LAMA4: variants seen among roughly 807,000 people sequenced by gnomAD.
LAMA4 encodes laminin subunit alpha-4.
LAMA4 carries 127 observed loss-of-function variants against 207.1 expected under a neutral mutation model. The observed-to-expected ratio is 0.61, with a 90% confidence interval of 0.53 to 0.71. The LOEUF (loss-of-function observed/expected upper bound fraction) is 0.71. Among genes scored for constraint, LAMA4 ranks in the 30% least tolerant of loss-of-function variants. The pLI is 0.00. For synonymous variants in LAMA4, 761 were observed against 816.0 expected, an observed-to-expected ratio of 0.93 and a Z score of 1.15; for missense variants, 2,093 against 2,246.5, an observed-to-expected ratio of 0.93 and a Z score of 1.38.
At chr6:112,176,496 G>A (rs141146986) in intron 10 of LAMA4, among the ~76,000 whole-genome samples, 4 of 152,288 alleles carry the variant, frequency 2.6e-5, no homozygotes, top group Non-Finnish European at 2.9e-5. Flanking sequence ...CTTGAAGGTC[G>A]CCAGCGGTTA....
At chr6:112,200,065 A>AG (rs1343562285) in intron 5 of LAMA4, 4 of 528,002 alleles carry the variant, frequency 7.6e-6, no homozygotes, top group African/African-American at 1.9e-5. Context: ...AGACTCTTTG[A>AG]GCAAAAGCCA....
At chr6:112,199,255 T>C (rs1783595188) in intron 5 of LAMA4, among the ~76,000 whole-genome samples, 1 of 152,216 alleles carries the variant, frequency 6.6e-6, no homozygotes, top group Non-Finnish European at 1.5e-5. Context: ...TTTACAGGAC[T>C]GTGCCCTTAG....
chr6:112,154,357 C>CAAAAAAAAAAAAAAAA (rs55988988), intron 16 of LAMA4, among the ~76,000 whole-genome samples: 1 of 120,254 alleles, frequency 8.3e-6, no homozygotes, highest in Non-Finnish European at 1.8e-5. Flanking sequence ...ACACAAACTA[C>CAAAAAAAAAAAAAAAA]AAAAAAAAAA....
At chr6:112,168,122 C>T (rs1369284327) in intron 12 of LAMA4, among the ~76,000 whole-genome samples, 4 of 149,844 alleles carry the variant, frequency 2.7e-5, no homozygotes, top group East Asian at 2.1e-4. Context: ...GGCACGAACC[C>T]GGGAGGCAGA....
At chr6:112,221,041 T>C (rs12110617) in intron 2 of LAMA4, among the ~76,000 whole-genome samples, 7,048 of 152,170 alleles carry the variant, frequency 0.046, 215 homozygotes, top group East Asian at 0.15. Flanking sequence ...CATACTCGAA[T>C]AGATCTTCTA....
chr6:112,166,809 G>T (rs568726212), intron 12 of LAMA4, among the ~76,000 whole-genome samples: 1 of 152,146 alleles, frequency 6.6e-6, no homozygotes, highest in African/African-American at 2.4e-5. Context: ...TGATAATTAT[G>T]AAAATGACAC....
intron 9 of LAMA4, among the ~76,000 whole-genome samples, chr6:112,181,616 C>A (rs1401728045): frequency 2.0e-5 from 3 of 152,180 alleles, no homozygotes; most frequent in Admixed American, 6.5e-5. Context: ...CTCTGAGAAG[C>A]CTTTCCTAGT....
intron 5 of LAMA4, among the ~76,000 whole-genome samples, chr6:112,198,251 A>T (rs960411042): frequency 1.8e-4 from 28 of 152,136 alleles, no homozygotes; most frequent in African/African-American, 6.8e-4. Flanking sequence ...TTTCCTGGAG[A>T]CAGTTGGACA....
intron 31 of LAMA4, among the ~76,000 whole-genome samples, chr6:112,125,127 G>A (rs1778613339): frequency 6.6e-6 from 1 of 152,214 alleles, no homozygotes; most frequent in African/African-American, 2.4e-5. Flanking sequence ...AAAGCTAGAA[G>A]GAATCAAGGC....
intron 6 of LAMA4, among the ~76,000 whole-genome samples, chr6:112,191,110 T>C (rs543208584): frequency 8.6e-5 from 13 of 152,010 alleles, no homozygotes; most frequent in Non-Finnish European, 1.9e-4. Context: ...CAAGGGATGC[T>C]GGGTGGGACT....
chr6:112,163,756 A>AT (rs1583767404), intron 13 of LAMA4, among the ~76,000 whole-genome samples: 1 of 152,164 alleles, frequency 6.6e-6, no homozygotes, highest in African/African-American at 2.4e-5. Flanking sequence ...TTTATAAAAG[A>AT]TTTTTTTACA....
intron 18 of LAMA4, 93 bp downstream of exon 18, chr6:112,148,064 C>T: frequency 7.7e-7 from 1 of 1,306,360 alleles, no homozygotes; most frequent in Non-Finnish European, 1.1e-6. Flanking sequence ...ATCCAAAACC[C>T]AAATGAAGAA....
chr6:112,225,860 A>T (rs782390419), intron 2 of LAMA4, among the ~76,000 whole-genome samples: 1 of 152,252 alleles, frequency 6.6e-6, no homozygotes, highest in African/African-American at 2.4e-5. Flanking sequence ...TTTGTCATTG[A>T]CATTGTTTAG....
At chr6:112,160,395 T>C (rs1251164259) in intron 13 of LAMA4, among the ~76,000 whole-genome samples, 1 of 152,250 alleles carries the variant, frequency 6.6e-6, no homozygotes, top group Non-Finnish European at 1.5e-5. Context: ...TTCTAGCTAC[T>C]GACTCTTCTC....
rs1400333030 is a variant in LAMA4 at position 112,138,992 on chromosome 6, T to A, written c.3282+128A>T. On this transcript the variant is annotated intron_variant, in intron 24 of 38. Coordinates refer to ENST00000230538, the MANE Select transcript of LAMA4 (RefSeq NM_001105206.3). ...ACTTTCCTGAAGAAGAAAATCCAAT[T>A]TGACTTTCTAAACTAGAATTTCAGT... The A allele has an allele frequency of 9.4e-6, 9 of 952,546 alleles. No homozygotes were observed. The East Asian group carries it at 2.2e-4, about 23-fold the overall frequency. 59.0% of individuals were successfully genotyped at this position (952,546 alleles called of 1,614,324 possible).
chr6:112,216,808 A>G, intron 2 of LAMA4: 1 of 346,162 alleles, frequency 2.9e-6, no homozygotes, highest in Non-Finnish European at 5.6e-6. Flanking sequence ...TTCTTCCAGT[A>G]TAAGCAAAAC....
At chr6:112,146,244 C>T (rs34923357) in intron 18 of LAMA4, among the ~76,000 whole-genome samples, 129 of 151,858 alleles carry the variant, frequency 8.5e-4, no homozygotes, top group Admixed American at 1.5e-3. Context: ...GGGCCAAGAT[C>T]GCACCACTGC....
At chr6:112,121,099 T>C (rs1478993432) in intron 32 of LAMA4, among the ~76,000 whole-genome samples, 6 of 151,958 alleles carry the variant, frequency 3.9e-5, no homozygotes, top group African/African-American at 1.5e-4. Flanking sequence ...GGCTGCAATT[T>C]AGTAAAAATA....
At chr6:112,221,487 T>A (rs1056801692) in intron 2 of LAMA4, among the ~76,000 whole-genome samples, 3 of 152,212 alleles carry the variant, frequency 2.0e-5, no homozygotes, top group Admixed American at 6.5e-5. Context: ...TCACTGGTGT[T>A]CAGAATCATT....
Sources: allele counts gnomAD v4.1 joint callset (sites outside exome capture counted in the v4.1 genomes callset), GRCh38; gene constraint gnomAD v4.1.1; transcripts MANE v1.5; gene names NCBI Gene and HGNC (gene_info 2026-07-23, HGNC 2026-07-21).